FAM124A: variants seen among roughly 807,000 people sequenced by gnomAD.
The protein encoded by FAM124A is protein FAM124A.
FAM124A carries 23 observed loss-of-function variants against 24.5 expected under a neutral mutation model. The ratio of observed to expected loss-of-function variants is 0.94; its 90% CI spans 0.68 to 1.33. The LOEUF (loss-of-function observed/expected upper bound fraction) is 1.33, where lower values mean the gene tolerates loss of function less well. FAM124A is among the 40% of genes most tolerant of loss of function. FAM124A has a pLI of 0.00. For synonymous variants in FAM124A, 287 were observed against 314.7 expected, an observed-to-expected ratio of 0.91 and a Z score of 0.93; for missense variants, 623 against 722.8, an observed-to-expected ratio of 0.86 and a Z score of 1.58.
intron 1 of FAM124A, among the ~76,000 whole-genome samples, chr13:51,223,261 CTAAT>C (rs1421959660): frequency 6.6e-6 from 1 of 151,536 alleles, no homozygotes; most frequent in Admixed American, 6.6e-5. Flanking sequence ...CCTTTGGAGA[CTAAT>C]TAGTTAGTCT....
chr13:51,280,581 G>A lies in FAM124A; in HGVS notation c.966G>A (p.Pro322=), dbSNP rs566264872. The A allele has an allele frequency of 1.7e-5, 28 of 1,613,882 alleles. No individual in the cohort carries two copies. The highest frequency in any genetic ancestry group is 3.3e-5 in the South Asian group (3 of 91,076). ...CACCTGGCAGCAGCCAGCAGTCCCC[G>A]CTCAACAGTCCTCACCCGGGGCCCA... ...SHTPGSSQQS[P]LNSPHPGPIR... is the part of the protein sequence containing the mutation. The change falls in exon 4 of 4, where the codon CCG becomes CCA. Residue 322 remains proline, a synonymous_variant. Coordinates refer to ENST00000322475, the MANE Select transcript of FAM124A (RefSeq NM_001242312.2).
chr13:51,249,893 A>G (rs1954600737), intron 2 of FAM124A, among the ~76,000 whole-genome samples: 1 of 152,192 alleles, frequency 6.6e-6, no homozygotes, highest in Admixed American at 6.5e-5. Flanking sequence ...GTTCTCAGGG[A>G]GCATATCATG....
intron 2 of FAM124A, chr13:51,245,538 G>T (rs910739561): frequency 1.1e-5 from 5 of 445,344 alleles, no homozygotes; most frequent in African/African-American, 8.1e-5. Context: ...AATGATTTGG[G>T]GGCTGCTTTT....
At chr13:51,276,533 G>A (rs559066008) in intron 3 of FAM124A, among the ~76,000 whole-genome samples, 1 of 152,254 alleles carries the variant, frequency 6.6e-6, no homozygotes, top group Admixed American at 6.5e-5. Flanking sequence ...TTTACAAAAC[G>A]TGTACGGGCT....
chr13:51,224,204 C>T (rs188962538), intron 1 of FAM124A, among the ~76,000 whole-genome samples: 8 of 152,332 alleles, frequency 5.3e-5, no homozygotes, highest in Admixed American at 1.3e-4. Flanking sequence ...TGCGGTAGCT[C>T]GCGCCTATAA....
chr13:51,249,171 A>C (rs551628515), intron 2 of FAM124A, among the ~76,000 whole-genome samples: 1 of 152,312 alleles, frequency 6.6e-6, no homozygotes, highest in East Asian at 1.9e-4. Context: ...TGAGGGCATC[A>C]TGAGCAAGAG....
intron 3 of FAM124A, chr13:51,253,606 C>T (rs775715432): frequency 3.3e-5 from 5 of 151,998 alleles, no homozygotes; most frequent in Non-Finnish European, 5.9e-5. Context: ...ACTAAAAGAC[C>T]AAAAAGAATG....
chr13:51,240,712 G>A (rs1032352343), intron 2 of FAM124A, among the ~76,000 whole-genome samples: 5 of 152,178 alleles, frequency 3.3e-5, no homozygotes, highest in Non-Finnish European at 5.9e-5. Context: ...TGAATTTTCA[G>A]TCACCAACTC....
rs150764444 is a variant in FAM124A, at chr13:51,235,821, G to T, written c.100+4442G>T. 1.3e-3 allele frequency among the ~76,000 whole-genome samples: 194 copies of T among 152,344 alleles called. 1 individual carries two copies. The highest frequency in any genetic ancestry group is 7.9e-3 in the South Asian group (38 of 4,818). On this transcript the variant is annotated intron_variant, in intron 2 of 3. Coordinates refer to ENST00000322475, the MANE Select transcript of FAM124A (RefSeq NM_001242312.2). ...TCTCCTAGCCCCTTGACAGTTCCCT[G>T]AGGAATTCTCTGTGGCTGTGGAAGT...
At chr13:51,265,620 A>G (rs1406804866) in intron 3 of FAM124A, among the ~76,000 whole-genome samples, 2 of 152,188 alleles carry the variant, frequency 1.3e-5, no homozygotes, top group African/African-American at 4.8e-5. Context: ...TTAGCATGGT[A>G]AATCCTGGCA....
intron 1 of FAM124A, among the ~76,000 whole-genome samples, chr13:51,224,690 A>G (rs1178090864): frequency 6.6e-6 from 1 of 152,226 alleles, no homozygotes; most frequent in East Asian, 1.9e-4. Context: ...TAGAAAGCAC[A>G]TAGAAGACAA....
intron 3 of FAM124A, among the ~76,000 whole-genome samples, chr13:51,273,170 C>T (rs1954854388): frequency 6.6e-6 from 1 of 152,200 alleles, no homozygotes; most frequent in Non-Finnish European, 1.5e-5. Flanking sequence ...AGCAGCAACT[C>T]TCACCTGGGG....
chr13:51,242,293 A>T (rs565040972), intron 2 of FAM124A, among the ~76,000 whole-genome samples: 3 of 152,236 alleles, frequency 2.0e-5, no homozygotes, highest in Non-Finnish European at 2.9e-5. Flanking sequence ...TGAGTAGAAG[A>T]AAGGACTCTG....
chr13:51,226,480 G>T (rs1380764617), intron 1 of FAM124A, among the ~76,000 whole-genome samples: 1 of 152,158 alleles, frequency 6.6e-6, no homozygotes, highest in Non-Finnish European at 1.5e-5. Context: ...TTGAATAGTT[G>T]TTTGGGGCAA....
chr13:51,258,164 C>T lies in FAM124A; in HGVS notation c.834+5963C>T, dbSNP rs1228880903. ...CCTGTGTGTGTCATCTCCAAATTTTCCCTTTATGTAAGGACACCAGTTCTA... is the reference window on the plus strand; with the variant it reads ...CCTGTGTGTGTCATCTCCAAATTTTTCCTTTATGTAAGGACACCAGTTCTA... On this transcript the variant is annotated intron_variant, in intron 3 of 3. Coordinates refer to ENST00000322475, the MANE Select transcript of FAM124A (RefSeq NM_001242312.2). The surrounding 1 kb of genome is among the most constrained non-coding windows in gnomAD (Gnocchi z 4.2). 6.6e-6 allele frequency among the ~76,000 whole-genome samples: 1 copy of T among 152,200 alleles called. No homozygotes were observed. Among genetic ancestry groups the T allele is most frequent in the East Asian group, 1.9e-4 (1 of 5,200 alleles).
chr13:51,238,957 G>T (rs1313408986), intron 2 of FAM124A, among the ~76,000 whole-genome samples: 1 of 152,308 alleles, frequency 6.6e-6, no homozygotes, highest in Non-Finnish European at 1.5e-5. Flanking sequence ...TAGTCCTTCT[G>T]GTTTCAAAGG....
At chr13:51,264,483 A>T (rs1057236546) in intron 3 of FAM124A, among the ~76,000 whole-genome samples, 1 of 152,144 alleles carries the variant, frequency 6.6e-6, no homozygotes, top group Admixed American at 6.5e-5. Flanking sequence ...CACCTGCCAG[A>T]TGTAGTGGCA....
intron 3 of FAM124A, among the ~76,000 whole-genome samples, chr13:51,257,702 C>T (rs1340005764): frequency 1.3e-5 from 2 of 152,132 alleles, no homozygotes; most frequent in Admixed American, 1.3e-4. Context: ...TCAGATGCAG[C>T]AAACTCATTT....
At chr13:51,257,508 T>A (rs1954687689) in intron 3 of FAM124A, among the ~76,000 whole-genome samples, 1 of 152,208 alleles carries the variant, frequency 6.6e-6, no homozygotes, top group African/African-American at 2.4e-5. Flanking sequence ...CTTATGTGCG[T>A]CATCATAAAA....
Sources: allele counts gnomAD v4.1 joint callset (sites outside exome capture counted in the v4.1 genomes callset), GRCh38; gene constraint gnomAD v4.1.1; non-coding constraint Gnocchi (gnomAD v3.1); transcripts MANE v1.5; gene names NCBI Gene and HGNC (gene_info 2026-07-23, HGNC 2026-07-21).